The following OR12D2 variants were observed in gnomAD, a reference collection of about 807,000 sequenced individuals.
OR12D2 encodes olfactory receptor 12D2.
For missense variants in OR12D2, 345 were observed against 371.6 expected, an observed-to-expected ratio of 0.93 and a Z score of 0.59; for synonymous variants, 146 against 142.3, an observed-to-expected ratio of 1.03 and a Z score of -0.19.
Position 29,397,880 on chromosome 6 carries a change from T to C in OR12D2, c.*257T>C, listed in dbSNP as rs1307614834. The C allele has an allele frequency of 7.9e-5, 38 of 482,714 alleles. No individual in the cohort carries two copies. The highest frequency in any genetic ancestry group is 1.9e-5 in the African/African-American group (1 of 51,498). 29.9% of individuals were successfully genotyped at this position (482,714 alleles called of 1,614,324 possible). Reference sequence around the variant, plus strand: ...AATATCAGTTGATGTAATTGACTTATTATGTATTCTAACATGTACTTGTAT... The same window carrying C: ...AATATCAGTTGATGTAATTGACTTACTATGTATTCTAACATGTACTTGTAT... On this transcript the variant is annotated 3_prime_UTR_variant, in exon 2 of 2. Transcript: ENST00000642051.
chr6:29,396,690 G>T lies in OR12D2; in HGVS notation c.-2-8G>T. On this transcript the variant is annotated splice_region_variant and splice_polypyrimidine_tract_variant and intron_variant, in intron 1 of 1. Transcript: ENST00000642051. ...TGTTCCATAGATTATTTTGTCTTTT[G>T]TCTGAAGTGATGCTGAATACAACCT... 6.2e-7 allele frequency: 1 copy of T among 1,605,792 alleles called. No homozygotes were observed. The highest frequency in any genetic ancestry group is 8.5e-7 in the Non-Finnish European group (1 of 1,176,286).
rs757911898 is a variant in OR12D2 at position 29,397,454 on chromosome 6, C to T, written c.755C>T (p.Ala252Val). 2 of 1,613,042 alleles carry T rather than the reference C, an allele frequency of 1.2e-6. No individual in the cohort carries two copies. Among genetic ancestry groups the T allele is most frequent in the African/African-American group, 1.3e-5 (1 of 75,030 alleles). Residue 252 changes from alanine to valine, a missense_variant, in exon 2 of 2, where the codon GCA becomes GTA. Coordinates refer to ENST00000642051, the MANE Select transcript of OR12D2 (RefSeq NM_013936.4). Reference protein sequence around the residue: ...SHFMVVILFYAPVLFTYIHPA... With the variant: ...SHFMVVILFYVPVLFTYIHPA... ...TTCATGGTAGTTATTCTTTTCTATGCACCTGTTCTTTTCACCTATATCCAT... is the reference window on the plus strand; with the variant it reads ...TTCATGGTAGTTATTCTTTTCTATGTACCTGTTCTTTTCACCTATATCCAT...
Position 29,397,988 on chromosome 6 carries a change from T to A in OR12D2, c.*365T>A, listed in dbSNP as rs1287614669. 5.0e-6 allele frequency: 1 copy of A among 199,758 alleles called. No individual in the cohort carries two copies. The allele number at this position is 199,758 out of a possible 1,614,324, so 12.4% of individuals were successfully genotyped here. The stretch of plus-strand genomic sequence containing the variant: ...TTAGGACTGTTTGTCTGTGAGATCC[T>A]TTTAGTTTAACACATTTTAGTCTGA... On this transcript the variant is annotated 3_prime_UTR_variant, in exon 2 of 2. Coordinates refer to ENST00000642051, the MANE Select transcript of OR12D2 (RefSeq NM_013936.4).
rs1780602366 is a variant in OR12D2 at position 29,397,313 on chromosome 6, C to T, written c.614C>T (p.Ala205Val). The change falls in exon 2 of 2, where the codon GCC becomes GTC. Residue 205 changes from alanine (A) to valine (V), a missense_variant. Transcript: ENST00000642051. The stretch of plus-strand genomic sequence containing the variant: ...CTCAGTACTGTCACGGGGACAATTG[C>T]CATGGGCCCCTTCTTTCTGACACTT... ...WLLSTVTGTI[A>V]MGPFFLTLLS... The T allele has an allele frequency of 6.2e-7, 1 of 1,612,944 alleles. No individual in the cohort carries two copies. Among genetic ancestry groups the T allele is most frequent in the African/African-American group, 1.3e-5 (1 of 74,940 alleles).
At position 29,396,833 on chromosome 6, in the gene OR12D2, T is replaced by A. The variant is rs1171273555; in HGVS notation, c.134T>A (p.Met45Lys). ...GTGACTGGGAATGGAGCCGTTCTGA[T>A]GATTGTCATCTCCGATCCTAGACTC... ...ISVTGNGAVL[M>K]IVISDPRLHS... The change falls in exon 2 of 2, where the codon ATG (methionine) becomes AAG (lysine). Residue 45 changes from methionine (M) to lysine (K), a missense_variant. Met to Lys is a moderately conservative substitution (Grantham distance 95, BLOSUM62 -1). Transcript: ENST00000642051. 6.2e-7 allele frequency: 1 copy of A among 1,612,866 alleles called. No individual in the cohort carries two copies. Among genetic ancestry groups the A allele is most frequent in the African/African-American group, 1.3e-5 (1 of 74,930 alleles).
Position 29,396,963 on chromosome 6 carries a change from A to G in OR12D2, c.264A>G (p.Lys88=). The G allele has an allele frequency of 6.2e-7, 1 of 1,613,062 alleles. No individual in the cohort carries two copies. The highest frequency in any genetic ancestry group is 8.5e-7 in the Non-Finnish European group (1 of 1,180,014). The change falls in exon 2 of 2, where the codon AAA becomes AAG. Residue 88 remains lysine, a synonymous_variant. Coordinates refer to ENST00000642051, the MANE Select transcript of OR12D2 (RefSeq NM_013936.4). ...TGCAGAACTTTCTCTCTACACACAA[A>G]GCAATTTCTTTCTTGGGATGCATAA... ...KMLQNFLSTH[K]AISFLGCISQ...
chr6:29,396,641 C>T (rs944081658), intron 1 of OR12D2, 57 bp from the exon 2 acceptor site: 20 of 1,400,052 alleles, frequency 1.4e-5, no homozygotes, highest in Admixed American at 9.2e-5. Flanking sequence ...AATTCTGAGC[C>T]GGAAGGATTC....
Position 29,397,365 on chromosome 6 carries a change from T to A in OR12D2, c.666T>A (p.Tyr222Ter). The A allele has an allele frequency of 6.2e-7, 1 of 1,613,100 alleles. No individual in the cohort carries two copies. The highest frequency in any genetic ancestry group is 8.5e-7 in the Non-Finnish European group (1 of 1,180,030). ...TCTCCTATTTCTACATTATCACTTATCTCTTCTTCAAGACCCGTTCTTGTA... is the reference window on the plus strand; with the variant it reads ...TCTCCTATTTCTACATTATCACTTAACTCTTCTTCAAGACCCGTTCTTGTA... ...TLLSYFYIIT[Y>*]LFFKTRSCSM... The change falls in exon 2 of 2, where the codon TAT (tyrosine) becomes TAA (stop). Residue 222 changes from tyrosine (Y) to a stop codon, truncating the protein, a stop_gained. Coordinates refer to ENST00000642051, the MANE Select transcript of OR12D2 (RefSeq NM_013936.4). LOFTEE classifies it low-confidence loss of function (END_TRUNC).
In OR12D2 at chr6:29,397,138, T is replaced by C. The variant is rs1437314651; in HGVS notation, c.439T>C (p.Trp147Arg). ...QLCTQMAITI[W>R]VIGFFHALLH... is the part of the protein sequence containing the mutation. ...CTGTACCCAGATGGCCATCACAATC[T>C]GGGTCATTGGTTTTTTCCATGCCCT... The change falls in exon 2 of 2, where the codon TGG becomes CGG. Residue 147 changes from tryptophan to arginine, a missense_variant. Physicochemically the swap from Trp to Arg is moderately radical, Grantham distance 101. Transcript: ENST00000642051. 1 of 1,613,058 alleles carries C rather than the reference T, an allele frequency of 6.2e-7. No homozygotes were observed. Among genetic ancestry groups the C allele is most frequent in the Non-Finnish European group, 8.5e-7 (1 of 1,180,042 alleles).
Position 29,397,057 on chromosome 6 carries a change from C to G in OR12D2, c.358C>G (p.Leu120Val). The change falls in exon 2 of 2, where the codon CTC becomes GTC. Residue 120 changes from leucine (L) to valine (V), a missense_variant. By Grantham distance (32) the Leu-to-Val change is conservative (BLOSUM62 1). Coordinates refer to ENST00000642051, the MANE Select transcript of OR12D2 (RefSeq NM_013936.4). ...GTTGTTCGCCGTGATGGCATTTGAC[C>G]TCTCTGTGGCTATCTGCAAGCCACT... ...SMLFAVMAFD[L>V]SVAICKPLRY... 2 of 1,613,108 alleles carry G rather than the reference C, an allele frequency of 1.2e-6. No homozygotes were observed. Among genetic ancestry groups the G allele is most frequent in the East Asian group, 2.2e-5 (1 of 44,888 alleles).
At chr6:29,396,455 G>C (rs2151314223) in intron 1 of OR12D2, 1 of 499,542 alleles carries the variant, frequency 2.0e-6, no homozygotes. Flanking sequence ...TAAATCCCCA[G>C]AAGAAAGAAA....
rs1207613424 is a variant in OR12D2, at chr6:29,395,775, G to A, written c.-43G>A. On this transcript the variant is annotated 5_prime_UTR_variant, in exon 1 of 2. In the 5' UTR this introduces an upstream ATG that the reference lacks. Transcript: ENST00000642051. The stretch of plus-strand genomic sequence containing the variant: ...GGGTGTGAAAAAGGAAAAAGTCTCA[G>A]TGCAACTGGAAACTAAAGGAACAAT... 1 of 152,142 alleles carries A rather than the reference G, an allele frequency of 6.6e-6. No homozygotes were observed. The highest frequency in any genetic ancestry group is 1.5e-5 in the Non-Finnish European group (1 of 68,022). The allele number at this position is 152,142 out of a possible 1,614,324, so 9.4% of individuals were successfully genotyped here.
chr6:29,397,573 A>T lies in OR12D2; in HGVS notation c.874A>T (p.Arg292Trp), dbSNP rs552117408. The T allele has an allele frequency of 6.2e-7, 1 of 1,612,972 alleles. No individual in the cohort carries two copies. Among genetic ancestry groups the T allele is most frequent in the African/African-American group, 1.3e-5 (1 of 75,028 alleles). The change falls in exon 2 of 2, where the codon AGG (arginine) becomes TGG (tryptophan). Residue 292 changes from arginine (R) to tryptophan (W), a missense_variant. Transcript: ENST00000642051. The stretch of plus-strand genomic sequence containing the variant: ...ACTAAACCCACTGATCTATACTTTG[A>T]GGAACAAGGAAGTGAAGGGGGCCTT... ...PVLNPLIYTL[R>W]NKEVKGALGR...
chr6:29,396,785 T>C lies in OR12D2; in HGVS notation c.86T>C (p.Phe29Ser). 1.2e-6 allele frequency: 2 copies of C among 1,613,056 alleles called. No homozygotes were observed. The highest frequency in any genetic ancestry group is 8.5e-7 in the Non-Finnish European group (1 of 1,179,992). The change falls in exon 2 of 2, where the codon TTC (phenylalanine) becomes TCC (serine). Residue 29 changes from phenylalanine to serine, a missense_variant. Phe to Ser is a radical substitution (Grantham distance 155). Coordinates refer to ENST00000642051, the MANE Select transcript of OR12D2 (RefSeq NM_013936.4). ...QELQPFLFVV[F>S]LTIYFISVTG... is the part of the protein sequence containing the mutation. ...CTGCAGCCTTTTCTCTTCGTGGTTTTCCTCACCATCTACTTCATCAGTGTG... is the reference window on the plus strand; with the variant it reads ...CTGCAGCCTTTTCTCTTCGTGGTTTCCCTCACCATCTACTTCATCAGTGTG...
rs1345557879 is a variant in OR12D2, at chr6:29,397,713, A to G, written c.*90A>G. Reference sequence around the variant, plus strand: ...AATTTTACTGCTTCTCAGATGGTTTATAAGTGTAAAATAGAGGCAACTGGA... The same window carrying G: ...AATTTTACTGCTTCTCAGATGGTTTGTAAGTGTAAAATAGAGGCAACTGGA... On this transcript the variant is annotated 3_prime_UTR_variant, in exon 2 of 2. Coordinates refer to ENST00000642051, the MANE Select transcript of OR12D2 (RefSeq NM_013936.4). 3.4e-6 allele frequency: 4 copies of G among 1,187,418 alleles called. No homozygotes were observed. Among genetic ancestry groups the G allele is most frequent in the Admixed American group, 2.4e-5 (1 of 41,440 alleles). The allele number at this position is 1,187,418 out of a possible 1,614,324, so 73.6% of individuals were successfully genotyped here.
At position 29,396,811 on chromosome 6, in the gene OR12D2, A is replaced by G. The variant is rs778129665; in HGVS notation, c.112A>G (p.Thr38Ala). 5.6e-6 allele frequency: 9 copies of G among 1,612,928 alleles called. No individual in the cohort carries two copies. The South Asian group carries it at 9.9e-5, about 18-fold the overall frequency. Residue 38 changes from threonine to alanine, a missense_variant, in exon 2 of 2, where the codon ACT becomes GCT. Coordinates refer to ENST00000642051, the MANE Select transcript of OR12D2 (RefSeq NM_013936.4). Reference sequence around the variant, plus strand: ...CCTCACCATCTACTTCATCAGTGTGACTGGGAATGGAGCCGTTCTGATGAT... The same window carrying G: ...CCTCACCATCTACTTCATCAGTGTGGCTGGGAATGGAGCCGTTCTGATGAT... The part of the protein sequence containing the change: ...VFLTIYFISV[T>A]GNGAVLMIVI...
At position 29,397,581 on chromosome 6, in the gene OR12D2, G is replaced by A. The variant is rs780421678; in HGVS notation, c.882G>A (p.Lys294=). ...CACTGATCTATACTTTGAGGAACAA[G>A]GAAGTGAAGGGGGCCTTGGGTAGAG... ...LNPLIYTLRN[K]EVKGALGRVI... Residue 294 remains lysine, a synonymous_variant, in exon 2 of 2, where the codon AAG becomes AAA. Transcript: ENST00000642051. 1.9e-5 allele frequency: 31 copies of A among 1,612,822 alleles called. No individual in the cohort carries two copies. The highest frequency in any genetic ancestry group is 1.9e-5 in the Non-Finnish European group (23 of 1,180,014).
rs1413860372 is a variant in OR12D2, at chr6:29,397,514, T to C, written c.815T>C (p.Ile272Thr). The C allele has an allele frequency of 6.2e-7, 1 of 1,613,052 alleles. No homozygotes were observed. Among genetic ancestry groups the C allele is most frequent in the Admixed American group, 1.7e-5 (1 of 60,030 alleles). ...GAGAGCTTCATGGACCAGGACCGGA[T>C]TGTTGCCATCATGTACACTGTGGTC... ...ALESFMDQDR[I>T]VAIMYTVVTP... Residue 272 changes from isoleucine to threonine, a missense_variant, in exon 2 of 2, where the codon ATT becomes ACT. By Grantham distance (89) the Ile-to-Thr change is moderately conservative. Transcript: ENST00000642051.
intron 1 of OR12D2, 173 bp from the exon 2 acceptor site, chr6:29,396,525 A>C (rs1780528397): frequency 1.6e-6 from 1 of 631,226 alleles, no homozygotes; most frequent in East Asian, 2.6e-5. Flanking sequence ...AATATGCATG[A>C]ATCCTTAATA....
Sources: allele counts gnomAD v4.1 joint callset, GRCh38; gene constraint gnomAD v4.1.1; transcripts MANE v1.5; gene names NCBI Gene and HGNC (gene_info 2026-07-23, HGNC 2026-07-21).